The following SLC44A5 variants were observed in gnomAD, a reference collection of about 807,000 sequenced individuals.
The protein encoded by SLC44A5 is solute carrier family 44 member 5.
A neutral mutation model predicts 101.8 loss-of-function variants in SLC44A5; 57 were observed. That is an observed-to-expected ratio of 0.56 (90% CI 0.45 to 0.70). The LOEUF (loss-of-function observed/expected upper bound fraction) is 0.70, where lower values mean the gene tolerates loss of function less well. Ranked by LOEUF, SLC44A5 falls within the 30% of genes least tolerant of loss-of-function variation. The pLI, the probability that SLC44A5 is intolerant of heterozygous loss-of-function variation, is 0.00. For missense variants in SLC44A5, 737 were observed against 853.1 expected, an observed-to-expected ratio of 0.86 and a Z score of 1.70; for synonymous variants, 281 against 290.9, an observed-to-expected ratio of 0.97 and a Z score of 0.35.
At chr1:75,462,768 T>A (rs1445576670) in intron 2 of SLC44A5, among the ~76,000 whole-genome samples, 1 of 152,022 alleles carries the variant, frequency 6.6e-6, no homozygotes, top group African/African-American at 2.4e-5. Context: ...CACAGTCTTT[T>A]AATAACAGAA....
chr1:75,627,146 CA>C, the SLC44A5 span, among the ~76,000 whole-genome samples: 1 of 152,158 alleles, frequency 6.6e-6, no homozygotes, highest in Admixed American at 6.6e-5. Flanking sequence ...ATTACCGTAA[CA>C]TGTCGGTTAT....
At chr1:75,656,623 AT>A in the SLC44A5 span, among the ~76,000 whole-genome samples, 100 of 152,264 alleles carry the variant, frequency 6.6e-4, 1 homozygote, top group African/African-American at 2.3e-3. Context: ...TAACTATAAG[AT>A]TTTTTTGTAA....
the SLC44A5 span, among the ~76,000 whole-genome samples, chr1:75,664,609 G>C: frequency 6.6e-6 from 1 of 152,014 alleles, no homozygotes; most frequent in South Asian, 2.1e-4. Context: ...AACCAAGGAG[G>C]TGAAAGATTT....
chr1:75,671,300 G>A, the SLC44A5 span, among the ~76,000 whole-genome samples: 1 of 152,176 alleles, frequency 6.6e-6, no homozygotes, highest in South Asian at 2.1e-4. Flanking sequence ...ATTCACAGGA[G>A]AGTAATTTGC....
intron 3 of SLC44A5, among the ~76,000 whole-genome samples, chr1:75,340,321 G>C (rs1211643381): frequency 6.6e-6 from 1 of 152,112 alleles, no homozygotes; most frequent in Non-Finnish European, 1.5e-5. Flanking sequence ...GGCAGACCCA[G>C]TAACAAATTA....
At chr1:75,369,869 C>T (rs1218172010) in intron 3 of SLC44A5, among the ~76,000 whole-genome samples, 2 of 152,094 alleles carry the variant, frequency 1.3e-5, no homozygotes, top group Non-Finnish European at 2.9e-5. Context: ...ACCAGGTTTC[C>T]AGCTGGAAGT....
chr1:75,288,091 C>T (rs1653220972), intron 5 of SLC44A5, among the ~76,000 whole-genome samples: 1 of 151,816 alleles, frequency 6.6e-6, no homozygotes, highest in Non-Finnish European at 1.5e-5. Flanking sequence ...CTCACAGAGC[C>T]TCAGCAGCAA....
intron 2 of SLC44A5, among the ~76,000 whole-genome samples, chr1:75,493,977 T>C (rs1443501979): frequency 6.6e-6 from 1 of 152,196 alleles, no homozygotes; most frequent in Non-Finnish European, 1.5e-5. Context: ...TCTGGAAGCA[T>C]AAAGGGGAAT....
rs535890781 is a variant in SLC44A5, at chr1:75,296,358, T to A, written c.175+4254A>T. On this transcript the variant is annotated intron_variant, in intron 5 of 23. Coordinates refer to ENST00000370859, the MANE Select transcript of SLC44A5 (RefSeq NM_001130058.2). The stretch of plus-strand genomic sequence containing the variant: ...TACCATTGTCCACCCTCTAGCCAGT[T>A]TTTTTTTCTTTTTTTTTTTTTTTAA... Among the ~76,000 whole-genome samples, 53 of 72,170 alleles carry A rather than the reference T, an allele frequency of 7.3e-4. No individual in the cohort carries two copies. The East Asian group carries it at 0.027, about 37-fold the overall frequency. 47.3% of individuals were successfully genotyped at this position (72,170 alleles called of 152,430 possible).
At chr1:75,593,188 GA>G (rs781782714) in intron 1 of SLC44A5, among the ~76,000 whole-genome samples, 2 of 152,020 alleles carry the variant, frequency 1.3e-5, no homozygotes, top group South Asian at 4.1e-4. Context: ...GATTTGAATT[GA>G]CATTTCTCAA....
At chr1:75,512,073 T>G (rs963373958) in intron 2 of SLC44A5, among the ~76,000 whole-genome samples, 62 of 152,134 alleles carry the variant, frequency 4.1e-4, no homozygotes, top group African/African-American at 1.5e-3. Flanking sequence ...TTGGCCTCAA[T>G]AAATGAAAAT....
chr1:75,434,415 T>A (rs1664776387), intron 2 of SLC44A5, among the ~76,000 whole-genome samples: 1 of 152,122 alleles, frequency 6.6e-6, no homozygotes, highest in African/African-American at 2.4e-5. Context: ...AACCCATTTT[T>A]TCATATTAAT....
intron 6 of SLC44A5, among the ~76,000 whole-genome samples, chr1:75,261,991 T>A (rs1650551817): frequency 6.6e-6 from 1 of 151,612 alleles, no homozygotes; most frequent in Non-Finnish European, 1.5e-5. Flanking sequence ...ATGGAACGTA[T>A]CTCAAAATAA....
chr1:75,409,332 G>A (rs1312852452), intron 2 of SLC44A5, among the ~76,000 whole-genome samples: 1 of 152,044 alleles, frequency 6.6e-6, no homozygotes, highest in Non-Finnish European at 1.5e-5. Context: ...GAATGTATTG[G>A]GTAATGAGTT....
intron 4 of SLC44A5, among the ~76,000 whole-genome samples, chr1:75,316,492 T>A (rs1255649597): frequency 6.6e-6 from 1 of 152,224 alleles, no homozygotes; most frequent in Non-Finnish European, 1.5e-5. Context: ...CCCTTACCTC[T>A]GGCATAACAC....
chr1:75,278,204 T>C (rs749245409), intron 5 of SLC44A5, among the ~76,000 whole-genome samples: 2 of 149,714 alleles, frequency 1.3e-5, no homozygotes, highest in Non-Finnish European at 3.0e-5. Context: ...TTGGTTACAT[T>C]TGAAATATTT....
chr1:75,631,759 A>C, the SLC44A5 span, among the ~76,000 whole-genome samples: 1 of 150,050 alleles, frequency 6.7e-6, no homozygotes. Flanking sequence ...CCAGTCTTGA[A>C]CTCCTGACCT....
At chr1:75,651,856 G>C in the SLC44A5 span, among the ~76,000 whole-genome samples, 1 of 152,020 alleles carries the variant, frequency 6.6e-6, no homozygotes, top group African/African-American at 2.4e-5. Context: ...CGCACACGTG[G>C]AACGTCAGGC....
At chr1:75,541,608 C>A in intron 1 of SLC44A5, 92 bp from the exon 2 acceptor site, 1 of 686,540 alleles carries the variant, frequency 1.5e-6, no homozygotes, top group South Asian at 2.6e-5. Context: ...TCATAACTTA[C>A]TATAATTTAC....
Sources: gnomAD v4.1 joint callset for allele counts (sites outside exome capture counted in the v4.1 genomes callset) on GRCh38, gnomAD v4.1.1 for gene constraint, MANE v1.5 for transcripts, NCBI Gene and HGNC (gene_info 2026-07-23, HGNC 2026-07-21) for gene names.